The following UMODL1 variants were observed in gnomAD, a reference collection of about 807,000 sequenced individuals.
UMODL1 encodes the protein uromodulin like 1, also known as uromodulin-like 1.
A neutral mutation model predicts 136.3 loss-of-function variants in UMODL1; 128 were observed. The ratio of observed to expected loss-of-function variants is 0.94; its 90% CI spans 0.81 to 1.09. The LOEUF (loss-of-function observed/expected upper bound fraction) is 1.09. Ranked by LOEUF, UMODL1 falls within the 50% of genes least tolerant of loss-of-function variation. The probability of loss-of-function intolerance (pLI) is 0.00; values close to 1 mark genes in which losing one functional copy is unlikely to be tolerated. For synonymous variants in UMODL1, 721 were observed against 720.0 expected (o/e 1.00, Z -0.02); for missense variants, 1,766 against 1,725.6 (o/e 1.02, Z -0.41).
chr21:42,074,908 GT>G (rs1179164184), intron 1 of UMODL1, among the ~76,000 whole-genome samples: 5 of 146,906 alleles, frequency 3.4e-5, no homozygotes, highest in Middle Eastern at 3.4e-3. Context: ...TTTTATTTTT[GT>G]TTTTTTTTTC....
chr21:42,119,034 C>T (rs1196711803), intron 14 of UMODL1, 77 bp from the exon 15 acceptor site: 1 of 1,478,018 alleles, frequency 6.8e-7, no homozygotes, highest in Non-Finnish European at 9.3e-7. Context: ...GGCAGACTGG[C>T]AGGAGGAACC....
chr21:42,085,646 T>C lies in UMODL1; in HGVS notation c.603+234T>C, dbSNP rs968114786. 6.6e-6 allele frequency among the ~76,000 whole-genome samples: 1 copy of C among 152,222 alleles called. No individual in the cohort carries two copies. The highest frequency in any genetic ancestry group is 1.5e-5 in the Non-Finnish European group (1 of 68,034). On this transcript the variant is annotated intron_variant, in intron 4 of 22. Coordinates refer to ENST00000408910, the MANE Select transcript of UMODL1 (RefSeq NM_001004416.3). The surrounding 1 kb of genome is among the most constrained non-coding windows in gnomAD (Gnocchi z 4.5). ...AAGCGTGTAGTTGGCTGAGTTGTTA[T>C]GTGTGTACCCTCATAGGCCCGCCTG...
chr21:42,098,341 T>TC (rs1031652298), intron 6 of UMODL1, among the ~76,000 whole-genome samples: 4 of 152,188 alleles, frequency 2.6e-5, no homozygotes, highest in African/African-American at 7.2e-5. Flanking sequence ...CTCTTGCTTC[T>TC]CCATTTCATC....
At chr21:42,137,174 C>G (rs974278525) in intron 21 of UMODL1, among the ~76,000 whole-genome samples, 4 of 152,226 alleles carry the variant, frequency 2.6e-5, no homozygotes, top group Non-Finnish European at 5.9e-5. Context: ...GGGCTCTCCC[C>G]CTCCCACCAG....
chr21:42,133,095 T>A (rs1033759752), intron 21 of UMODL1, among the ~76,000 whole-genome samples: 1 of 152,260 alleles, frequency 6.6e-6, no homozygotes, highest in Non-Finnish European at 1.5e-5. Flanking sequence ...GTTTGATCTA[T>A]GACTATCATA....
intron 14 of UMODL1, among the ~76,000 whole-genome samples, chr21:42,117,570 A>G (rs2066916547): frequency 6.6e-6 from 1 of 152,166 alleles, no homozygotes; most frequent in South Asian, 2.1e-4. Flanking sequence ...CTCACATTGT[A>G]GATTTCCTGA....
chr21:42,126,281 C>T, intron 17 of UMODL1, 64 bp from the exon 18 acceptor site: 1 of 1,604,200 alleles, frequency 6.2e-7, no homozygotes, highest in Non-Finnish European at 8.5e-7. Context: ...GAGCCGTGGC[C>T]CACAGCAGGG....
chr21:42,100,687 C>A (rs2066616693), intron 7 of UMODL1, among the ~76,000 whole-genome samples: 1 of 151,684 alleles, frequency 6.6e-6, no homozygotes, highest in Non-Finnish European at 1.5e-5. Context: ...TTGGGAAATG[C>A]AATAGGAACT....
chr21:42,117,447 T>C (rs954547820), intron 14 of UMODL1, among the ~76,000 whole-genome samples: 3 of 152,220 alleles, frequency 2.0e-5, no homozygotes, highest in Non-Finnish European at 2.9e-5. Context: ...TGCCATCCCC[T>C]CAGCATTCTC....
chr21:42,098,583 A>G (rs1387364546), intron 6 of UMODL1, among the ~76,000 whole-genome samples: 1 of 151,840 alleles, frequency 6.6e-6, no homozygotes, highest in Non-Finnish European at 1.5e-5. Context: ...CCTGGCCAAC[A>G]TGGTGAAACC....
In UMODL1 at chr21:42,137,642, G is replaced by A. The variant is rs1047423112; in HGVS notation, c.*21+1G>A. ...ATAGGAGGCGCAGGCTGACAGGAAG[G>A]TGGGTGCGGAGTGGGGTGGGAGGTG... On this transcript the variant is annotated splice_donor_variant, in intron 22 of 22. Coordinates refer to ENST00000408910, the MANE Select transcript of UMODL1 (RefSeq NM_001004416.3). LOFTEE classifies it low-confidence loss of function (3UTR_SPLICE). 1.5e-6 allele frequency: 1 copy of A among 668,402 alleles called. No individual in the cohort carries two copies. Among genetic ancestry groups the A allele is most frequent in the Non-Finnish European group, 2.1e-6 (1 of 485,486 alleles). 41.4% of individuals were successfully genotyped at this position (668,402 alleles called of 1,614,324 possible).
chr21:42,141,234 C>T (rs75210792), intron 22 of UMODL1, among the ~76,000 whole-genome samples: 11,805 of 152,282 alleles, frequency 0.078, 555 homozygotes, highest in East Asian at 0.19. Context: ...CCATGCTGCC[C>T]TTGCTGGGCA....
intron 2 of UMODL1, among the ~76,000 whole-genome samples, chr21:42,081,131 C>T (rs1298213762): frequency 2.6e-5 from 4 of 152,196 alleles, no homozygotes; most frequent in African/African-American, 7.2e-5. Flanking sequence ...AACTCAGCCT[C>T]GTTAGGCAAG....
In UMODL1 at chr21:42,111,269, C is replaced by T. The variant is rs1215492541; in HGVS notation, c.1899+148C>T. ...CCAGAGGAGCACCAGCCAGGGGAGC[C>T]CCAGCCAGGTGAACCCCAGCCAGCG... On this transcript the variant is annotated intron_variant, in intron 11 of 22. Transcript: ENST00000408910. 3 of 1,415,416 alleles carry T rather than the reference C, an allele frequency of 2.1e-6. No individual in the cohort carries two copies. In the Admixed American group the frequency reaches 7.3e-5, roughly 34 times the overall value. 87.7% of individuals were successfully genotyped at this position (1,415,416 alleles called of 1,614,324 possible). A position where few individuals can be genotyped will look rare whatever the true frequency, so the allele number is the denominator to read the frequency against.
chr21:42,104,887 T>C (rs1463443590), intron 9 of UMODL1, among the ~76,000 whole-genome samples: 2 of 152,190 alleles, frequency 1.3e-5, no homozygotes, highest in East Asian at 3.8e-4. Context: ...GAGACCAGGT[T>C]CTTGCTGTCC....
intron 5 of UMODL1, among the ~76,000 whole-genome samples, chr21:42,089,802 G>T (rs1245369127): frequency 6.6e-6 from 1 of 152,240 alleles, no homozygotes; most frequent in Non-Finnish European, 1.5e-5. Flanking sequence ...TGACACATGA[G>T]CTTATCGCGC....
intron 1 of UMODL1, 79 bp from the exon 2 acceptor site, chr21:42,075,926 G>C: frequency 6.3e-7 from 1 of 1,577,448 alleles, no homozygotes; most frequent in Non-Finnish European, 8.6e-7. Context: ...TGCTATTGCA[G>C]AGGGACGCCT....
rs765469540 is a variant in UMODL1 at position 42,098,948 on chromosome 21, C to T, written c.954C>T (p.Tyr318=). 20 of 1,614,102 alleles carry T rather than the reference C, an allele frequency of 1.2e-5. No homozygotes were observed. The Admixed American group carries it at 1.7e-4, about 13-fold the overall frequency. ...TAGATTGTCCTCCAGTCAGTGACTA[C>T]GTGGTCCTCAACGTCACCAGTGACA... is the stretch of plus-strand genomic sequence containing the variant. ...EWEDCPPVSD[Y]VVLNVTSDSF... Residue 318 remains tyrosine (Y), a synonymous_variant, in exon 7 of 23, where the codon TAC becomes TAT. Transcript: ENST00000408910.
At chr21:42,076,300 C>T in intron 2 of UMODL1, 53 bp downstream of exon 2, 1 of 1,604,774 alleles carries the variant, frequency 6.2e-7, no homozygotes, top group Non-Finnish European at 8.5e-7. Flanking sequence ...GTCGAGACGC[C>T]TGATGGGACA....
Sources: allele counts gnomAD v4.1 joint callset (sites outside exome capture counted in the v4.1 genomes callset), GRCh38; gene constraint gnomAD v4.1.1; non-coding constraint Gnocchi (gnomAD v3.1); transcripts MANE v1.5; gene names NCBI Gene and HGNC (gene_info 2026-07-23, HGNC 2026-07-21).